Variants in STAU1 observed in about 807,000 individuals in gnomAD.
The protein encoded by STAU1 is staufen double-stranded RNA binding protein 1, also known as double-stranded RNA-binding protein Staufen homolog 1.
STAU1 carries 13 observed loss-of-function variants against 62.9 expected under a neutral mutation model. The ratio of observed to expected loss-of-function variants is 0.21; its 90% CI spans 0.13 to 0.33. The LOEUF (loss-of-function observed/expected upper bound fraction) is 0.33. STAU1 is among the 10% of genes least tolerant of loss of function. The probability of loss-of-function intolerance (pLI) is 1.00; values close to 1 mark genes in which losing one functional copy is unlikely to be tolerated. For missense variants in STAU1, 571 were observed against 712.1 expected (o/e 0.80, Z 2.25); for synonymous variants, 269 against 265.1 (o/e 1.01, Z -0.14).
chr20:49,121,967 T>C (rs1444013647), intron 8 of STAU1, among the ~76,000 whole-genome samples: 1 of 152,236 alleles, frequency 6.6e-6, no homozygotes, highest in African/African-American at 2.4e-5. Context: ...AACCTGGCCA[T>C]CTACCAGCCA....
At chr20:49,178,067 C>T (rs2146540706) in intron 1 of STAU1, among the ~76,000 whole-genome samples, 1 of 152,204 alleles carries the variant, frequency 6.6e-6, no homozygotes, top group East Asian at 1.9e-4. Flanking sequence ...GTCTCAGCTA[C>T]TTGGAAGGCT....
At chr20:49,126,592 A>AAAAAAACAAAC (rs2092628074) in intron 6 of STAU1, among the ~76,000 whole-genome samples, 1 of 138,922 alleles carries the variant, frequency 7.2e-6, no homozygotes, top group Non-Finnish European at 1.6e-5. Context: ...AAAAAACAAA[A>AAAAAAACAAAC]AAAAAACAAA....
chr20:49,158,082 G>C (rs545460953), intron 3 of STAU1, among the ~76,000 whole-genome samples: 6 of 151,828 alleles, frequency 4.0e-5, no homozygotes, highest in African/African-American at 1.4e-4. Context: ...AGGAGTTCAA[G>C]ACCCGCCTGG....
At chr20:49,212,520 C>A in the STAU1 span, among the ~76,000 whole-genome samples, 1 of 149,174 alleles carries the variant, frequency 6.7e-6, no homozygotes, top group South Asian at 2.1e-4. Flanking sequence ...TGTCCTTTCT[C>A]TGTTTTTTCA....
chr20:49,192,345 C>CA (rs575816817), upstream of STAU1, among the ~76,000 whole-genome samples: 1,729 of 67,076 alleles, frequency 0.026, 17 homozygotes, highest in African/African-American at 0.042. Flanking sequence ...GACTCCATCT[C>CA]AAAAAAAAAA....
At chr20:49,129,876 C>G (rs2092715031) in intron 6 of STAU1, among the ~76,000 whole-genome samples, 1 of 152,144 alleles carries the variant, frequency 6.6e-6, no homozygotes, top group Non-Finnish European at 1.5e-5. Context: ...GATCCGCCCA[C>G]CTTGGTTTCC....
chr20:49,116,917 C>T (rs139282293), intron 12 of STAU1, among the ~76,000 whole-genome samples: 4 of 152,216 alleles, frequency 2.6e-5, no homozygotes, highest in Admixed American at 1.3e-4. Flanking sequence ...TGGGCTAAAG[C>T]TGATGAGTTC....
At chr20:49,149,030 C>G (rs2093185147) in intron 5 of STAU1, among the ~76,000 whole-genome samples, 1 of 152,130 alleles carries the variant, frequency 6.6e-6, no homozygotes, top group African/African-American at 2.4e-5. Context: ...GTGGTCAGAT[C>G]ACCTGAGCTC....
intron 1 of STAU1, among the ~76,000 whole-genome samples, chr20:49,180,914 A>G (rs572588642): frequency 6.6e-6 from 1 of 152,292 alleles, no homozygotes; most frequent in East Asian, 1.9e-4. Context: ...AGTGACAAGC[A>G]GAATCAATTA....
In STAU1 at chr20:49,177,392, T is replaced by G. The variant is rs572280498; in HGVS notation, c.-159-3123A>C. On this transcript the variant is annotated intron_variant, in intron 1 of 13. Transcript: ENST00000371856. ...CTCTATTAAAATAAAATTTAAAAAT[T>G]TAAGGGCCGGGCATGTGGACTCACG... Among the ~76,000 whole-genome samples the G allele has an allele frequency of 2.1e-4, 32 of 151,432 alleles. No homozygotes were observed. The South Asian group carries it at 6.7e-3, about 32-fold the overall frequency.
chr20:49,147,139 T>C (rs77877664), intron 5 of STAU1, among the ~76,000 whole-genome samples: 1 of 152,244 alleles, frequency 6.6e-6, no homozygotes, highest in Non-Finnish European at 1.5e-5. Flanking sequence ...CTGAAAAGAC[T>C]GCTCTGAACT....
At chr20:49,209,235 C>T in the STAU1 span, among the ~76,000 whole-genome samples, 6 of 147,830 alleles carry the variant, frequency 4.1e-5, no homozygotes, top group South Asian at 1.1e-3. Flanking sequence ...GCGCCAGGCC[C>T]CTGTCTCTAT....
chr20:49,153,415 A>G (rs1397567742), intron 4 of STAU1, among the ~76,000 whole-genome samples: 2 of 145,324 alleles, frequency 1.4e-5, no homozygotes, highest in Non-Finnish European at 3.0e-5. Flanking sequence ...AAAAAAAAAA[A>G]AGAGGCGCAG....
chr20:49,212,302 T>G, the STAU1 span, among the ~76,000 whole-genome samples: 1 of 152,236 alleles, frequency 6.6e-6, no homozygotes. Context: ...CACCTTTTCA[T>G]GTGCTTTTTG....
At chr20:49,175,940 G>A (rs970980239) in intron 1 of STAU1, among the ~76,000 whole-genome samples, 1 of 151,604 alleles carries the variant, frequency 6.6e-6, no homozygotes, top group African/African-American at 2.4e-5. Context: ...GACTACAGGC[G>A]CCCGCCACCT....
At position 49,139,204 on chromosome 20, in the gene STAU1, C is replaced by T. The variant is rs546199726; in HGVS notation, c.511-3273G>A. ...TGATTTCTTACATATGACATGAAAA[C>T]CGCAGACAACAAAAGAAACATTAAT... On this transcript the variant is annotated intron_variant, in intron 5 of 13. Transcript: ENST00000371856. Among the ~76,000 whole-genome samples the T allele has an allele frequency of 2.6e-4, 39 of 152,206 alleles. 1 individual carries two copies. Among genetic ancestry groups the T allele is most frequent in the African/African-American group, 9.4e-4 (39 of 41,534 alleles).
chr20:49,120,336 T>G (rs2092437238), intron 8 of STAU1, among the ~76,000 whole-genome samples: 1 of 152,214 alleles, frequency 6.6e-6, no homozygotes, highest in South Asian at 2.1e-4. Flanking sequence ...GTATTAAACA[T>G]TTAATTATAT....
chr20:49,149,963 G>A (rs1276618802), intron 5 of STAU1, among the ~76,000 whole-genome samples: 1 of 152,178 alleles, frequency 6.6e-6, no homozygotes, highest in Non-Finnish European at 1.5e-5. Context: ...TTGTGAACAT[G>A]TTTCCTGGTG....
At position 49,153,925 on chromosome 20, in the gene STAU1, A is replaced by C. The variant is rs542876940; in HGVS notation, c.344+8T>G. On this transcript the variant is annotated splice_region_variant and intron_variant, in intron 4 of 13. Transcript: ENST00000371856. ...ATTTTACAAAAAAAAAAAAAAAAAAACACATACCTCGGGGGATAAGCACCT... is the reference window on the plus strand; with the variant it reads ...ATTTTACAAAAAAAAAAAAAAAAAACCACATACCTCGGGGGATAAGCACCT... 143 of 1,511,196 alleles carry C rather than the reference A, an allele frequency of 9.5e-5. No homozygotes were observed. Among genetic ancestry groups the C allele is most frequent in the Admixed American group, 1.2e-4 (5 of 42,984 alleles). 93.6% of individuals were successfully genotyped at this position (1,511,196 alleles called of 1,614,324 possible).
Sources: gnomAD v4.1 joint callset for allele counts (sites outside exome capture counted in the v4.1 genomes callset) on GRCh38, gnomAD v4.1.1 for gene constraint, MANE v1.5 for transcripts, NCBI Gene and HGNC (gene_info 2026-07-23, HGNC 2026-07-21) for gene names.